MYO9A: variants seen among roughly 807,000 people sequenced by gnomAD.
MYO9A encodes myosin IXA.
In MYO9A, 103 loss-of-function variants were observed where a neutral mutation model predicts 293.3. The ratio of observed to expected loss-of-function variants is 0.35; its 90% CI spans 0.30 to 0.41. The LOEUF (loss-of-function observed/expected upper bound fraction) is 0.41, where lower values mean the gene tolerates loss of function less well. Ranked by LOEUF, MYO9A falls within the 10% of genes least tolerant of loss-of-function variation. The pLI, the probability that MYO9A is intolerant of heterozygous loss-of-function variation, is 1.00. For missense variants in MYO9A, 2,685 were observed against 3,033.0 expected, an observed-to-expected ratio of 0.89 and a Z score of 2.69; for synonymous variants, 1,001 against 1,035.7, an observed-to-expected ratio of 0.97 and a Z score of 0.64.
chr15:71,824,956 C>T lies in MYO9A; in HGVS notation c.*1624G>A, dbSNP rs2054410693. On this transcript the variant is annotated 3_prime_UTR_variant, in exon 42 of 42. Transcript: ENST00000356056. ...GCCTTAACAAAAGACTTAATATTTCCACAACTTCAAAGAAGTATGAAAAGG... is the reference window on the plus strand; with the variant it reads ...GCCTTAACAAAAGACTTAATATTTCTACAACTTCAAAGAAGTATGAAAAGG... 6.6e-6 allele frequency: 1 copy of T among 151,308 alleles called. No individual in the cohort carries two copies. The highest frequency in any genetic ancestry group is 1.5e-5 in the Non-Finnish European group (1 of 67,898). 9.4% of individuals were successfully genotyped at this position (151,308 alleles called of 1,614,324 possible).
chr15:71,986,144 A>C (rs2076402134), intron 11 of MYO9A, among the ~76,000 whole-genome samples: 1 of 152,248 alleles, frequency 6.6e-6, no homozygotes, highest in Non-Finnish European at 1.5e-5. Context: ...CAAAAAATAT[A>C]AACTTAGAAA....
chr15:71,953,908 G>GTTTTA (rs1555490288), intron 14 of MYO9A, among the ~76,000 whole-genome samples: 1 of 150,588 alleles, frequency 6.6e-6, no homozygotes, highest in Non-Finnish European at 1.5e-5. Flanking sequence ...GTTTTGTTTT[G>GTTTTA]TTTTTTGAGA....
intron 1 of MYO9A, among the ~76,000 whole-genome samples, chr15:72,048,822 T>G (rs1026599180): frequency 6.6e-6 from 1 of 152,236 alleles, no homozygotes; most frequent in Non-Finnish European, 1.5e-5. Flanking sequence ...TGACATCTAA[T>G]TGACTCTTCT....
rs911802437 is a variant in MYO9A, at chr15:71,854,399, C to G, written c.6324G>C (p.Glu2108Asp). Residue 2108 changes from glutamate (E) to aspartate (D), a missense_variant, in exon 35 of 42, where the codon GAG becomes GAC. Physicochemically the swap from Glu to Asp is conservative, Grantham distance 45. Around this residue, in one of 10 missense-constraint regions of MYO9A, gnomAD observed 238 missense variants for 269.1 expected, o/e 0.88. Coordinates refer to ENST00000356056, the MANE Select transcript of MYO9A (RefSeq NM_006901.4). The stretch of plus-strand genomic sequence containing the variant: ...TACCTGTATCTAGACCCTGCCGAAG[C>G]TCCTTGATTTTATTAGTCGAACCAG... ...RKSGSTNKIK[E>D]LRQGLDTDAE... 2 of 1,596,176 alleles carry G rather than the reference C, an allele frequency of 1.3e-6. No homozygotes were observed. Among genetic ancestry groups the G allele is most frequent in the African/African-American group, 2.7e-5 (2 of 74,154 alleles).
intron 29 of MYO9A, among the ~76,000 whole-genome samples, chr15:71,880,091 C>T (rs1024259184): frequency 6.6e-6 from 1 of 152,242 alleles, no homozygotes; most frequent in Non-Finnish European, 1.5e-5. Context: ...ACAAGCTGTA[C>T]CTTCCCATAT....
At chr15:71,902,509 A>G (rs2057514502) in intron 22 of MYO9A, among the ~76,000 whole-genome samples, 1 of 152,164 alleles carries the variant, frequency 6.6e-6, no homozygotes, top group African/African-American at 2.4e-5. Context: ...AAGCGATGTA[A>G]GAATCTCTTT....
At chr15:71,877,856 C>G (rs544835427) in intron 31 of MYO9A, among the ~76,000 whole-genome samples, 184 bp downstream of exon 31, 1 of 152,278 alleles carries the variant, frequency 6.6e-6, no homozygotes, top group East Asian at 1.9e-4. Flanking sequence ...AAAATATGGT[C>G]TGATAAATTA....
chr15:71,978,328 A>C, intron 11 of MYO9A, 36 bp from the exon 12 acceptor site: 1 of 1,560,746 alleles, frequency 6.4e-7, no homozygotes, highest in South Asian at 1.2e-5. Context: ...CAATTTATTC[A>C]TCTTGCAGAA....
In MYO9A at chr15:71,985,229, G is replaced by A. The variant is rs1329983081; in HGVS notation, c.1722+5874C>T. ...GCCACCATGCCCGGCCACATTTCTC[G>A]TGGTTTTTATTCATGCTGGTTTGCC... On this transcript the variant is annotated intron_variant, in intron 11 of 41. Coordinates refer to ENST00000356056, the MANE Select transcript of MYO9A (RefSeq NM_006901.4). Among the ~76,000 whole-genome samples, 9 of 151,974 alleles carry A rather than the reference G, an allele frequency of 5.9e-5. No homozygotes were observed. In the South Asian group the frequency reaches 6.2e-4, roughly 11 times the overall value.
intron 14 of MYO9A, among the ~76,000 whole-genome samples, chr15:71,957,738 A>G (rs1458704115): frequency 6.6e-6 from 1 of 152,196 alleles, no homozygotes; most frequent in East Asian, 1.9e-4. Flanking sequence ...AAGCTCTCTC[A>G]TCTGCAGACA....
intron 32 of MYO9A, among the ~76,000 whole-genome samples, chr15:71,874,440 G>A (rs1240277392): frequency 2.0e-5 from 3 of 152,134 alleles, no homozygotes; most frequent in African/African-American, 7.2e-5. Flanking sequence ...GGGGAGAGTA[G>A]GAGGAAATGA....
chr15:71,854,707 T>G, intron 34 of MYO9A, 138 bp from the exon 35 acceptor site: 1 of 602,574 alleles, frequency 1.7e-6, no homozygotes, highest in Non-Finnish European at 2.7e-6. Context: ...AGAAAGGGAA[T>G]TATGTTTAAG....
chr15:72,065,564 G>C (rs1236483815), intron 1 of MYO9A, among the ~76,000 whole-genome samples: 1 of 147,218 alleles, frequency 6.8e-6, no homozygotes, highest in Non-Finnish European at 1.5e-5. Context: ...GTGGGATCTC[G>C]AACAACAACA....
chr15:71,827,514 A>G (rs8024157), intron 41 of MYO9A, among the ~76,000 whole-genome samples: 6,426 of 145,738 alleles, frequency 0.044, 313 homozygotes, highest in African/African-American at 0.12. Context: ...AAATTACCAA[A>G]AAACAAAACA....
chr15:72,100,020 A>C (rs1185964774), intron 1 of MYO9A, among the ~76,000 whole-genome samples: 1 of 151,096 alleles, frequency 6.6e-6, no homozygotes, highest in East Asian at 2.0e-4. Flanking sequence ...GAGGTGAGGC[A>C]GGCGGATCAC....
intron 1 of MYO9A, among the ~76,000 whole-genome samples, chr15:72,100,427 T>C (rs2080236751): frequency 6.6e-6 from 1 of 151,450 alleles, no homozygotes; most frequent in East Asian, 2.0e-4. Flanking sequence ...ACCCATCGTC[T>C]GGGATGTGGG....
Position 71,898,133 on chromosome 15 carries a change from AAAGT to A in MYO9A, c.4366_4369del (p.Thr1456TrpfsTer22). The A allele has an allele frequency of 1.2e-6, 2 of 1,614,116 alleles. No individual in the cohort carries two copies. The highest frequency in any genetic ancestry group is 1.7e-6 in the Non-Finnish European group (2 of 1,180,024). On this transcript the variant is annotated frameshift_variant, in exon 25 of 42. Coordinates refer to ENST00000356056, the MANE Select transcript of MYO9A (RefSeq NM_006901.4). LOFTEE classifies it high-confidence loss of function. ...CCTTCTAGTTTCCCTGTTGATATCC[AAAGT>A]AAGAGCTTCCCCCGCTGTGTCTTCA...
At chr15:71,859,271 TC>T (rs1485919907) in intron 34 of MYO9A, among the ~76,000 whole-genome samples, 2 of 152,346 alleles carry the variant, frequency 1.3e-5, no homozygotes, top group African/African-American at 4.8e-5. Context: ...ACATAAGGTA[TC>T]AAACAGTATG....
In MYO9A at chr15:71,830,051, G is replaced by C. The variant is rs576746449; in HGVS notation, c.7040+58C>G. 4.7e-5 allele frequency: 71 copies of C among 1,521,832 alleles called. No individual in the cohort carries two copies. In the Middle Eastern group the frequency reaches 5.1e-4, roughly 11 times the overall value. The allele number at this position is 1,521,832 out of a possible 1,614,324, so 94.3% of individuals were successfully genotyped here. ...AATAAGAAAAAATAAAGAAACGATA[G>C]AAGGAAGGAAACAAAAACAGACTAT... On this transcript the variant is annotated intron_variant, in intron 40 of 41. Transcript: ENST00000356056.
Sources: allele counts gnomAD v4.1 joint callset (sites outside exome capture counted in the v4.1 genomes callset), GRCh38; gene constraint gnomAD v4.1.1; regional missense constraint gnomAD v4.1.1; transcripts MANE v1.5; gene names NCBI Gene and HGNC (gene_info 2026-07-23, HGNC 2026-07-21).